CDHR1: variants seen among roughly 807,000 people sequenced by gnomAD.
CDHR1 encodes cadherin-related family member 1.
CDHR1 carries 61 observed loss-of-function variants against 72.1 expected under a neutral mutation model. That is an observed-to-expected ratio of 0.85 (90% CI 0.69 to 1.05). The LOEUF is 1.05. CDHR1 is among the 50% of genes least tolerant of loss of function. The probability of loss-of-function intolerance (pLI) is 0.00; values close to 1 mark genes in which losing one functional copy is unlikely to be tolerated. For synonymous variants in CDHR1, 470 were observed against 448.1 expected (o/e 1.05, Z -0.62); for missense variants, 1,186 against 1,115.7 (o/e 1.06, Z -0.90).
At chr10:84,197,683 CCTCCT>C in intron 3 of CDHR1, 98 bp from the exon 4 acceptor site, 2 of 1,071,962 alleles carry the variant, frequency 1.9e-6, no homozygotes, top group Admixed American at 1.7e-5. Flanking sequence ...CACGCCCAGA[CCTCCT>C]CTGATGGGTG....
Position 84,213,296 on chromosome 10 carries a change from C to T in CDHR1, c.1988C>T (p.Ser663Phe). The T allele has an allele frequency of 1.2e-6, 2 of 1,614,222 alleles. No individual in the cohort carries two copies. The highest frequency in any genetic ancestry group is 1.1e-5 in the South Asian group (1 of 91,084). Residue 663 changes from serine to phenylalanine, a missense_variant, in exon 16 of 17, where the codon TCC becomes TTC. Ser to Phe is a radical substitution (Grantham distance 155). Transcript: ENST00000623527. ...SLEVQAKDRG[S>F]PSFSTTALLK... ...GAGGTGCAGGCCAAGGACCGGGGCT[C>T]CCCATCCTTCAGCACCACAGCCTTA...
At position 84,211,008 on chromosome 10, in the gene CDHR1, C is replaced by A. The variant is rs147726523; in HGVS notation, c.1328C>A (p.Ala443Asp). ...ATTTTCCCCCCTTCCCAGCTCCTGG[C>A]TGTTGAAGTGAACACCCCAGAGAAG... ...KSKVLTFKLL[A>D]VEVNTPEKFS... Residue 443 changes from alanine (A) to aspartate (D), a missense_variant, in exon 13 of 17, where the codon GCT (alanine) becomes GAT (aspartate). By Grantham distance (126) the Ala-to-Asp change is moderately radical (BLOSUM62 -2). Coordinates refer to ENST00000623527, the MANE Select transcript of CDHR1 (RefSeq NM_033100.4). The A allele has an allele frequency of 6.2e-7, 1 of 1,614,090 alleles. No individual in the cohort carries two copies. Among genetic ancestry groups the A allele is most frequent in the African/African-American group, 1.3e-5 (1 of 74,928 alleles).
At chr10:84,208,113 G>C in intron 10 of CDHR1, 61 bp from the exon 11 acceptor site, 1 of 1,415,962 alleles carries the variant, frequency 7.1e-7, no homozygotes, top group Non-Finnish European at 1.0e-6. Flanking sequence ...GGGGAGGTAG[G>C]AGCTGGACCA....
chr10:84,214,974 C>T lies in CDHR1; in HGVS notation c.*353C>T, dbSNP rs1473993393. ...AGACCTCACAGTCCCTCAGGTTCTA[C>T]TGGGATCTCATCATCATCCTTAGTC... On this transcript the variant is annotated 3_prime_UTR_variant, in exon 17 of 17. Coordinates refer to ENST00000623527, the MANE Select transcript of CDHR1 (RefSeq NM_033100.4). The T allele has an allele frequency of 8.3e-7, 1 of 1,209,598 alleles. No individual in the cohort carries two copies. The highest frequency in any genetic ancestry group is 1.6e-5 in the African/African-American group (1 of 64,004). The allele number at this position is 1,209,598 out of a possible 1,614,324, so 74.9% of individuals were successfully genotyped here. A position where few individuals can be genotyped will look rare whatever the true frequency, so the allele number is the denominator to read the frequency against.
rs780603118 is a variant in CDHR1, at chr10:84,203,103, G to A, written c.763G>A (p.Val255Met). 9 of 1,614,214 alleles carry A rather than the reference G, an allele frequency of 5.6e-6. No homozygotes were observed. The highest frequency in any genetic ancestry group is 2.2e-5 in the South Asian group (2 of 91,086). ...CGTGGGCACACCCTACTATGGCTAT[G>A]TGTACGAGGACACCCTTCCGGTGGG... ...VFVGTPYYGY[V>M]YEDTLPGSEV... The change falls in exon 8 of 17, where the codon GTG becomes ATG. Residue 255 changes from valine (V) to methionine (M), a missense_variant. Val to Met is a conservative substitution (Grantham distance 21). Coordinates refer to ENST00000623527, the MANE Select transcript of CDHR1 (RefSeq NM_033100.4).
At chr10:84,202,600 G>A (rs149174610) in intron 7 of CDHR1, among the ~76,000 whole-genome samples, 423 of 152,298 alleles carry the variant, frequency 2.8e-3, no homozygotes, top group African/African-American at 9.6e-3. Flanking sequence ...TGCTCAGTGC[G>A]GGGCCCAAGT....
Position 84,195,472 on chromosome 10 carries a change from CTGTTCTGTGTTCT to C in CDHR1, c.56-20_56-8del. On this transcript the variant is annotated splice_polypyrimidine_tract_variant and intron_variant, in intron 1 of 16. Coordinates refer to ENST00000623527, the MANE Select transcript of CDHR1 (RefSeq NM_033100.4). ...GGGTGTCCTTTGCCTGGGTGTCCGT[CTGTTCTGTGTTCT>C]TTTTCCAGCTCAGGCCAACTTCGCC... 1 of 1,608,006 alleles carries C rather than the reference CTGTTCTGTGTTCT, an allele frequency of 6.2e-7. No individual in the cohort carries two copies. Among genetic ancestry groups the C allele is most frequent in the Non-Finnish European group, 8.5e-7 (1 of 1,175,912 alleles).
chr10:84,218,770 TTACA>T, downstream of CDHR1: 10 of 1,003,926 alleles, frequency 1.0e-5, no homozygotes, highest in Non-Finnish European at 1.2e-5. Flanking sequence ...TATCATGTTA[TTACA>T]TATATATATT....
chr10:84,207,478 G>A lies in CDHR1; in HGVS notation c.964-696G>A, dbSNP rs574039011. ...TGAAAGTGTCAAGGAGTGGAGTCCA[G>A]GTAGGGTTATTTTAGGATACAAAAG... On this transcript the variant is annotated intron_variant, in intron 10 of 16. Coordinates refer to ENST00000623527, the MANE Select transcript of CDHR1 (RefSeq NM_033100.4). Among the ~76,000 whole-genome samples the A allele has an allele frequency of 2.6e-5, 4 of 152,274 alleles. No individual in the cohort carries two copies. The East Asian group carries it at 7.7e-4, about 29-fold the overall frequency.
chr10:84,213,590 G>T (rs562002942), intron 16 of CDHR1, among the ~76,000 whole-genome samples: 1 of 152,210 alleles, frequency 6.6e-6, no homozygotes, highest in Non-Finnish European at 1.5e-5. Flanking sequence ...TGTAAGATGG[G>T]ATAAGGATGC....
In CDHR1 at chr10:84,203,032, C is replaced by A. The variant is rs779409419; in HGVS notation, c.692C>A (p.Thr231Lys). ...GATGTGGTGTTCTCAGCCACCACCA[C>A]GGTCACGGTCAATGTGGAGGATGTT... ...GADVVFSATT[T>K]VTVNVEDVQD... is the part of the protein sequence containing the mutation. The change falls in exon 8 of 17, where the codon ACG becomes AAG. Residue 231 changes from threonine (T) to lysine (K), a missense_variant. Coordinates refer to ENST00000623527, the MANE Select transcript of CDHR1 (RefSeq NM_033100.4). 6.2e-7 allele frequency: 1 copy of A among 1,614,104 alleles called. No homozygotes were observed.
chr10:84,214,232 A>T lies in CDHR1; in HGVS notation c.2191A>T (p.Asn731Tyr). The change falls in exon 17 of 17, where the codon AAC becomes TAC. Residue 731 changes from asparagine (N) to tyrosine (Y), a missense_variant. Transcript: ENST00000623527. ...TATFWRNKKS[N>Y]KVLPMRRVLR... is the part of the protein sequence containing the mutation. ...CACCTTCTGGCGCAACAAGAAGTCTAACAAGGTCCTGCCAATGCGGCGGGT... is the reference window on the plus strand; with the variant it reads ...CACCTTCTGGCGCAACAAGAAGTCTTACAAGGTCCTGCCAATGCGGCGGGT... 1 of 1,613,722 alleles carries T rather than the reference A, an allele frequency of 6.2e-7. No individual in the cohort carries two copies. The highest frequency in any genetic ancestry group is 8.5e-7 in the Non-Finnish European group (1 of 1,179,916).
At chr10:84,219,408 C>T, downstream of CDHR1, 1 of 1,373,086 alleles carries the variant, frequency 7.3e-7, no homozygotes, top group Non-Finnish European at 9.5e-7. Flanking sequence ...GCTTGCTGCT[C>T]TTCCACAGCC....
At position 84,216,849 on chromosome 10, in the gene CDHR1, G is replaced by T. The variant is rs1842433519; in HGVS notation, c.*2228G>T. The T allele has an allele frequency of 1.0e-6, 1 of 985,532 alleles. No individual in the cohort carries two copies. Among genetic ancestry groups the T allele is most frequent in the South Asian group, 4.7e-5 (1 of 21,288 alleles). The allele number at this position is 985,532 out of a possible 1,614,324, so 61.0% of individuals were successfully genotyped here. On this transcript the variant is annotated 3_prime_UTR_variant, in exon 17 of 17. Coordinates refer to ENST00000623527, the MANE Select transcript of CDHR1 (RefSeq NM_033100.4). ...TCTCCCACCCTACCAGTGCAGCCCG[G>T]CAAGGGCAGGAATTGGGAGGCCTAG... is the stretch of plus-strand genomic sequence containing the variant.
chr10:84,208,853 T>A lies in CDHR1; in HGVS notation c.1292T>A (p.Phe431Tyr). The A allele has an allele frequency of 6.2e-7, 1 of 1,614,142 alleles. No homozygotes were observed. The highest frequency in any genetic ancestry group is 8.5e-7 in the Non-Finnish European group (1 of 1,179,998). Reference sequence around the variant, plus strand: ...GTGGAGAACTCAGCTGCCATTGACTTTGAAAAGTCCAAAGTATTAACCTTC... The same window carrying A: ...GTGGAGAACTCAGCTGCCATTGACTATGAAAAGTCCAAAGTATTAACCTTC... ...IIVENSAAID[F>Y]EKSKVLTFKL... The change falls in exon 12 of 17, where the codon TTT becomes TAT. Residue 431 changes from phenylalanine (F) to tyrosine (Y), a missense_variant. By Grantham distance (22) the Phe-to-Tyr change is conservative (BLOSUM62 3). Coordinates refer to ENST00000623527, the MANE Select transcript of CDHR1 (RefSeq NM_033100.4).
intron 12 of CDHR1, among the ~76,000 whole-genome samples, chr10:84,210,466 C>A (rs1005861102): frequency 1.3e-5 from 2 of 152,088 alleles, no homozygotes; most frequent in Admixed American, 1.3e-4. Context: ...GGGGTTTCAC[C>A]ATGTTGGCCA....
chr10:84,199,481 T>C (rs768550285), intron 5 of CDHR1, among the ~76,000 whole-genome samples: 5 of 152,238 alleles, frequency 3.3e-5, no homozygotes, highest in Non-Finnish European at 5.9e-5. Context: ...GTTGTGATTA[T>C]ACTAAACATA....
Position 84,214,318 on chromosome 10 carries a change from G to C in CDHR1, c.2277G>C (p.Lys759Asn), listed in dbSNP as rs140766526. The change falls in exon 17 of 17, where the codon AAG (lysine) becomes AAC (asparagine). Residue 759 changes from lysine to asparagine, a missense_variant. Coordinates refer to ENST00000623527, the MANE Select transcript of CDHR1 (RefSeq NM_033100.4). ...RTIRIEWLKS[K>N]STKAATKFML... ...TCCGCATTGAGTGGCTCAAGTCCAA[G>C]AGCACCAAAGCCGCTACCAAGTTCA... The C allele has an allele frequency of 4.3e-6, 7 of 1,614,144 alleles. No individual in the cohort carries two copies. The highest frequency in any genetic ancestry group is 5.9e-6 in the Non-Finnish European group (7 of 1,180,046).
intron 1 of CDHR1, 25 bp downstream of exon 1, chr10:84,194,840 G>A (rs1308965505): frequency 6.5e-7 from 1 of 1,532,700 alleles, no homozygotes; most frequent in South Asian, 1.2e-5. Flanking sequence ...GGCCGCGCTG[G>A]CCGCGTGGAT....
Sources: gnomAD v4.1 joint callset for allele counts (sites outside exome capture counted in the v4.1 genomes callset) on GRCh38, gnomAD v4.1.1 for gene constraint, MANE v1.5 for transcripts, NCBI Gene and HGNC (gene_info 2026-07-23, HGNC 2026-07-21) for gene names.